The following SAMSN1 variants were observed in gnomAD, a reference collection of about 807,000 sequenced individuals.
SAMSN1 encodes the protein SAM domain-containing protein SAMSN-1.
Under a neutral mutation model 42.0 loss-of-function variants are expected in SAMSN1, and 31 were observed. The observed-to-expected ratio is 0.74, with a 90% CI of 0.55 to 1.00. SAMSN1 has a LOEUF of 1.00. SAMSN1 is among the 50% of genes least tolerant of loss of function. The probability of loss-of-function intolerance (pLI) is 0.00; values close to 1 mark genes in which losing one functional copy is unlikely to be tolerated. For synonymous variants in SAMSN1, 178 were observed against 151.9 expected, an observed-to-expected ratio of 1.17 and a Z score of -1.26; for missense variants, 464 against 439.4, an observed-to-expected ratio of 1.06 and a Z score of -0.50.
At chr21:14,652,236 T>A (rs535992616) in intron 1 of SAMSN1, among the ~76,000 whole-genome samples, 2 of 151,882 alleles carry the variant, frequency 1.3e-5, no homozygotes, top group Non-Finnish European at 2.9e-5. Context: ...TAGCCAAAGC[T>A]ATCCTAAGCA....
rs146033760 is a variant in SAMSN1, at chr21:14,538,753, G to A, written c.57+7452C>T. ...CCTCTCATCATTGCTAGGATCAAAT[G>A]CAAATGGGAAAGAATGCCACTTCAG... On this transcript the variant is annotated intron_variant, in intron 1 of 7. Coordinates refer to ENST00000400566, the MANE Select transcript of SAMSN1 (RefSeq NM_022136.5). 4.3e-3 allele frequency among the ~76,000 whole-genome samples: 660 copies of A among 152,208 alleles called. 7 individuals carry two copies. The highest frequency in any genetic ancestry group is 0.015 in the African/African-American group (623 of 41,540).
intron 7 of SAMSN1, among the ~76,000 whole-genome samples, chr21:14,590,870 G>T (rs1395212844): frequency 6.6e-6 from 1 of 152,072 alleles, no homozygotes; most frequent in Non-Finnish European, 1.5e-5. Flanking sequence ...ATTCTAAAAA[G>T]ATAATTTTTA....
intron 2 of SAMSN1, among the ~76,000 whole-genome samples, chr21:14,577,486 ATATGTGTTATT>A (rs1222552688): frequency 6.6e-6 from 1 of 151,468 alleles, no homozygotes; most frequent in African/African-American, 2.4e-5. Flanking sequence ...TTTGAAAAAT[ATATGTGTTATT>A]ATAAAAACAT....
At chr21:14,619,269 G>A (rs1156952694) in intron 2 of SAMSN1, among the ~76,000 whole-genome samples, 1 of 152,186 alleles carries the variant, frequency 6.6e-6, no homozygotes, top group African/African-American at 2.4e-5. Context: ...AAGTCAAAAG[G>A]AAAAATGTAA....
chr21:14,489,599 C>G (rs1025082895), intron 7 of SAMSN1, among the ~76,000 whole-genome samples: 2 of 152,168 alleles, frequency 1.3e-5, no homozygotes, highest in Admixed American at 1.3e-4. Context: ...GAATAAGGGT[C>G]TTTCTTATTG....
chr21:14,539,455 C>G (rs564180918), intron 1 of SAMSN1, among the ~76,000 whole-genome samples: 3 of 152,100 alleles, frequency 2.0e-5, no homozygotes, highest in Admixed American at 6.5e-5. Context: ...TCTCAGGATA[C>G]AAAATCAGTG....
chr21:14,590,562 C>T (rs1056287083), intron 7 of SAMSN1, among the ~76,000 whole-genome samples: 3 of 150,854 alleles, frequency 2.0e-5, no homozygotes, highest in Non-Finnish European at 2.9e-5. Flanking sequence ...GAATTACAGG[C>T]GTGAGCCATC....
chr21:14,625,277 G>C (rs1044865329), intron 2 of SAMSN1, among the ~76,000 whole-genome samples: 1 of 152,044 alleles, frequency 6.6e-6, no homozygotes, highest in African/African-American at 2.4e-5. Context: ...GTTCTGGCCA[G>C]GGCAATCAAG....
intron 1 of SAMSN1, among the ~76,000 whole-genome samples, chr21:14,644,697 G>A (rs139596942): frequency 2.0e-4 from 31 of 152,254 alleles, no homozygotes; most frequent in African/African-American, 7.0e-4. Flanking sequence ...CCACATGGGG[G>A]TAGAGCACTG....
At chr21:14,640,413 T>C (rs183004863) in intron 2 of SAMSN1, among the ~76,000 whole-genome samples, 78 of 152,224 alleles carry the variant, frequency 5.1e-4, no homozygotes, top group African/African-American at 1.8e-3. Flanking sequence ...CTCCATTAGC[T>C]TTCAGAGTAT....
chr21:14,625,159 A>T, intron 2 of SAMSN1, among the ~76,000 whole-genome samples: 1 of 152,132 alleles, frequency 6.6e-6, no homozygotes, highest in East Asian at 1.9e-4. Flanking sequence ...TGACAAACCC[A>T]CAGCCAATAT....
intron 2 of SAMSN1, among the ~76,000 whole-genome samples, chr21:14,630,806 T>C (rs1211780847): frequency 1.3e-5 from 2 of 152,206 alleles, no homozygotes; most frequent in East Asian, 3.8e-4. Context: ...ATGGATGCCA[T>C]TGTTAATCTC....
At chr21:14,635,503 G>C in intron 2 of SAMSN1, among the ~76,000 whole-genome samples, 1 of 152,202 alleles carries the variant, frequency 6.6e-6, no homozygotes, top group East Asian at 1.9e-4. Context: ...GAGGCAATTT[G>C]TGGAGATTAA....
chr21:14,567,911 G>A (rs1224736900), intron 2 of SAMSN1, among the ~76,000 whole-genome samples: 2 of 152,074 alleles, frequency 1.3e-5, no homozygotes, highest in Non-Finnish European at 2.9e-5. Context: ...ATATACATAT[G>A]AGAGATTCTC....
intron 1 of SAMSN1, among the ~76,000 whole-genome samples, chr21:14,540,182 A>G (rs1979917699): frequency 6.6e-6 from 1 of 152,256 alleles, no homozygotes; most frequent in South Asian, 2.1e-4. Context: ...CTAAAACCAT[A>G]AAAATCCTAG....
rs1980639806 is a variant in SAMSN1 at position 14,552,711 on chromosome 21, G to A, written c.261+29425C>T. Among the ~76,000 whole-genome samples the A allele has an allele frequency of 2.0e-5, 3 of 152,140 alleles. No homozygotes were observed. In the South Asian group the frequency reaches 6.2e-4, roughly 32 times the overall value. ...GACTAAGTCACCTGTTTTTGATAAG[G>A]CATCTGTCCGTAAAGTTACTACCAT... On this transcript the variant is annotated intron_variant, in intron 2 of 8. Transcript: ENST00000285670.
At chr21:14,523,735 A>G (rs1196845277) in intron 1 of SAMSN1, among the ~76,000 whole-genome samples, 1 of 152,194 alleles carries the variant, frequency 6.6e-6, no homozygotes, top group Non-Finnish European at 1.5e-5. Flanking sequence ...TGCGATTTCC[A>G]CAATGGGATA....
chr21:14,576,837 A>AT (rs1364759571), intron 2 of SAMSN1, among the ~76,000 whole-genome samples: 1 of 151,688 alleles, frequency 6.6e-6, no homozygotes. Flanking sequence ...CACTATTACA[A>AT]TTTTTCTCAC....
intron 2 of SAMSN1, among the ~76,000 whole-genome samples, chr21:14,622,678 C>G (rs990768299): frequency 6.6e-6 from 1 of 152,130 alleles, no homozygotes; most frequent in Non-Finnish European, 1.5e-5. Context: ...AGAATGGAAC[C>G]AAGTTGGAAA....
Sources: allele counts gnomAD v4.1 joint callset (sites outside exome capture counted in the v4.1 genomes callset), GRCh38; gene constraint gnomAD v4.1.1; transcripts MANE v1.5; gene names NCBI Gene and HGNC (gene_info 2026-07-23, HGNC 2026-07-21).